The following OR6N1 variants were observed in gnomAD, a reference collection of about 807,000 sequenced individuals.
OR6N1 encodes the protein olfactory receptor family 6 subfamily N member 1.
For missense variants in OR6N1, 394 were observed against 371.7 expected, an observed-to-expected ratio of 1.06 and a Z score of -0.49; for synonymous variants, 170 against 150.7, an observed-to-expected ratio of 1.13 and a Z score of -0.94.
chr1:158,791,091 C>G, the OR6N1 span, among the ~76,000 whole-genome samples: 2 of 152,272 alleles, frequency 1.3e-5, no homozygotes, highest in Admixed American at 6.5e-5. Flanking sequence ...TATGTTGAAT[C>G]CTCCTGCATC....
At chr1:158,839,969 T>A in the OR6N1 span, among the ~76,000 whole-genome samples, 9 of 152,174 alleles carry the variant, frequency 5.9e-5, no homozygotes, top group African/African-American at 2.2e-4. Flanking sequence ...AGATACAAAA[T>A]TTTAGTTTGA....
At chr1:158,792,908 A>C in the OR6N1 span, among the ~76,000 whole-genome samples, 93 of 152,260 alleles carry the variant, frequency 6.1e-4, no homozygotes, top group South Asian at 1.0e-2. Context: ...CTTCAGAAAC[A>C]CCTATAATTA....
upstream of OR6N1, chr1:158,774,848 G>A (rs559566478): frequency 6.6e-6 from 1 of 152,284 alleles, no homozygotes; most frequent in South Asian, 2.1e-4. Flanking sequence ...CAGAAAACTG[G>A]TGAGTACAAA....
chr1:158,786,368 G>A, the OR6N1 span, among the ~76,000 whole-genome samples: 3 of 152,100 alleles, frequency 2.0e-5, no homozygotes, highest in African/African-American at 4.8e-5. Flanking sequence ...GGGATGTGGC[G>A]AAAAAGGAAC....
At chr1:158,813,896 C>T in the OR6N1 span, among the ~76,000 whole-genome samples, 3 of 151,848 alleles carry the variant, frequency 2.0e-5, no homozygotes, top group African/African-American at 7.3e-5. Context: ...GACAGAGTTT[C>T]ACCATGTTGC....
chr1:158,787,512 C>T, the OR6N1 span, among the ~76,000 whole-genome samples: 179 of 151,924 alleles, frequency 1.2e-3, no homozygotes, highest in Non-Finnish European at 2.2e-3. Flanking sequence ...TTTACAAAAA[C>T]GAACTATCTT....
intron 1 of OR6N1, among the ~76,000 whole-genome samples, chr1:158,771,434 T>C (rs1314923371): frequency 6.6e-6 from 1 of 152,196 alleles, no homozygotes; most frequent in Non-Finnish European, 1.5e-5. Flanking sequence ...TGTGCAGCTC[T>C]TTAGCTCATC....
the OR6N1 span, among the ~76,000 whole-genome samples, chr1:158,797,164 T>G: frequency 6.6e-6 from 1 of 152,234 alleles, no homozygotes; most frequent in South Asian, 2.1e-4. Flanking sequence ...TAGCCCCACC[T>G]GCCCCCTTTG....
At chr1:158,805,096 G>T in the OR6N1 span, among the ~76,000 whole-genome samples, 1 of 152,072 alleles carries the variant, frequency 6.6e-6, no homozygotes, top group Non-Finnish European at 1.5e-5. Context: ...ATACATCAAG[G>T]TCACATGCCC....
chr1:158,777,344 G>A, the OR6N1 span: 1 of 1,614,160 alleles, frequency 6.2e-7, no homozygotes, highest in Non-Finnish European at 8.5e-7. Context: ...GTCTGAAGGA[G>A]GCATCCTGCA....
chr1:158,771,958 T>A (rs1161717344), intron 1 of OR6N1, 63 bp downstream of exon 1: 1 of 152,222 alleles, frequency 6.6e-6, no homozygotes, highest in Non-Finnish European at 1.5e-5. Flanking sequence ...ATCCTCTAGG[T>A]CTCTTAGTGA....
chr1:158,820,063 G>A, the OR6N1 span, among the ~76,000 whole-genome samples: 1 of 152,182 alleles, frequency 6.6e-6, no homozygotes, highest in Non-Finnish European at 1.5e-5. Flanking sequence ...TATTCCTTAT[G>A]GGAAATAAAG....
the OR6N1 span, among the ~76,000 whole-genome samples, chr1:158,837,798 G>T: frequency 6.6e-6 from 1 of 150,760 alleles, no homozygotes; most frequent in Non-Finnish European, 1.5e-5. Flanking sequence ...ATAGGTTTTT[G>T]TCTCTTAGTG....
chr1:158,810,221 C>G, the OR6N1 span, among the ~76,000 whole-genome samples: 1 of 152,118 alleles, frequency 6.6e-6, no homozygotes, highest in Non-Finnish European at 1.5e-5. Flanking sequence ...CTCCCACACC[C>G]TAATAAGCCT....
At chr1:158,815,671 G>GA in the OR6N1 span, among the ~76,000 whole-genome samples, 1 of 152,030 alleles carries the variant, frequency 6.6e-6, no homozygotes, top group Non-Finnish European at 1.5e-5. Context: ...AAATTGATGT[G>GA]AAAAAAATTC....
the OR6N1 span, among the ~76,000 whole-genome samples, chr1:158,795,845 A>G: frequency 6.6e-6 from 1 of 152,174 alleles, no homozygotes; most frequent in Non-Finnish European, 1.5e-5. Flanking sequence ...GCTGCTGCAC[A>G]CTACTTCTTT....
At chr1:158,794,248 A>T in the OR6N1 span, among the ~76,000 whole-genome samples, 1 of 152,220 alleles carries the variant, frequency 6.6e-6, no homozygotes, top group African/African-American at 2.4e-5. Context: ...CACAAGCGTC[A>T]GGGCTGCCTG....
the OR6N1 span, among the ~76,000 whole-genome samples, chr1:158,829,006 T>A: frequency 6.6e-6 from 1 of 152,190 alleles, no homozygotes; most frequent in African/African-American, 2.4e-5. Flanking sequence ...ACTGCTGAAG[T>A]GGCTGGGATG....
chr1:158,795,694 C>T, the OR6N1 span, among the ~76,000 whole-genome samples: 1 of 152,208 alleles, frequency 6.6e-6, no homozygotes, highest in Non-Finnish European at 1.5e-5. Context: ...GGCCTTCCCC[C>T]ATGGCCTGGA....
Sources: allele counts gnomAD v4.1 joint callset (sites outside exome capture counted in the v4.1 genomes callset), GRCh38; gene constraint gnomAD v4.1.1; transcripts MANE v1.5; gene names NCBI Gene and HGNC (gene_info 2026-07-23, HGNC 2026-07-21).